LRRC4C: variants seen among roughly 807,000 people sequenced by gnomAD.
LRRC4C encodes leucine rich repeat containing 4C.
In LRRC4C, 5 loss-of-function variants were observed where a neutral mutation model predicts 33.6. The ratio of observed to expected loss-of-function variants is 0.15; its 90% CI spans 0.08 to 0.31. The LOEUF is 0.31. LRRC4C is among the 10% of genes least tolerant of loss of function. LRRC4C has a pLI of 1.00. For synonymous variants in LRRC4C, 329 were observed against 302.0 expected, an observed-to-expected ratio of 1.09 and a Z score of -0.93; for missense variants, 560 against 796.7, an observed-to-expected ratio of 0.70 and a Z score of 3.58.
intron 1 of LRRC4C, among the ~76,000 whole-genome samples, chr11:41,163,791 T>C (rs1486271458): frequency 1.3e-5 from 2 of 151,910 alleles, no homozygotes; most frequent in Non-Finnish European, 2.9e-5. Flanking sequence ...TTTATATTTT[T>C]AGTAGAGACG....
rs150025318 is a variant in LRRC4C at position 40,337,326 on chromosome 11, C to T, written c.-269-17605G>A. 3.2e-4 allele frequency among the ~76,000 whole-genome samples: 48 copies of T among 152,262 alleles called. 2 individuals are homozygous for T. The highest frequency in any genetic ancestry group is 1.0e-3 in the African/African-American group (43 of 41,556). ...GATTGGAAGATTTTCAGAAAGGAAA[C>T]CATGCAATGTAATTTACATTTTTAA... On this transcript the variant is annotated intron_variant, in intron 3 of 6. Coordinates refer to ENST00000528697, the MANE Select transcript of LRRC4C (RefSeq NM_001258419.2).
chr11:41,263,955 C>A lies in LRRC4C; in HGVS notation c.-496+195476G>T, dbSNP rs188142063. ...GATAAGAAGCCAGAAAGATGTGAAT[C>A]ACAGTCTTGATGCAGTTTTCTTTGT... On this transcript the variant is annotated intron_variant, in intron 1 of 6. Coordinates refer to ENST00000528697, the MANE Select transcript of LRRC4C (RefSeq NM_001258419.2). 2.1e-3 allele frequency among the ~76,000 whole-genome samples: 324 copies of A among 152,208 alleles called. 2 individuals are homozygous for A. Among genetic ancestry groups the A allele is most frequent in the African/African-American group, 7.4e-3 (309 of 41,540 alleles).
intron 3 of LRRC4C, among the ~76,000 whole-genome samples, chr11:40,465,077 G>A (rs985496282): frequency 3.3e-5 from 5 of 151,920 alleles, no homozygotes; most frequent in African/African-American, 1.2e-4. Flanking sequence ...CTAGAATATA[G>A]TAACTAAAAC....
chr11:40,510,458 C>T lies in LRRC4C; in HGVS notation c.-270+137684G>A, dbSNP rs143756964. On this transcript the variant is annotated intron_variant, in intron 3 of 6. Transcript: ENST00000528697. ...ATAATGACTATTTTACTCAATATTT[C>T]CTTTGTGACAGGATATAACATCTAA... is the stretch of plus-strand genomic sequence containing the variant. Among the ~76,000 whole-genome samples, 571 of 152,078 alleles carry T rather than the reference C, an allele frequency of 3.8e-3. 4 individuals are homozygous for T. Among genetic ancestry groups the T allele is most frequent in the Non-Finnish European group, 5.4e-3 (370 of 67,984 alleles).
In LRRC4C at chr11:40,305,609, CAA is replaced by C. The variant is rs78364325; in HGVS notation, c.-176+14017_-176+14018del. ...CAGTTGTATTTACATTTGTCAAATA[CAA>C]AAAAAAAAAAAAGGAAGAATGTATG... is the stretch of plus-strand genomic sequence containing the variant. On this transcript the variant is annotated intron_variant, in intron 4 of 6. Coordinates refer to ENST00000528697, the MANE Select transcript of LRRC4C (RefSeq NM_001258419.2). 7.8e-3 allele frequency among the ~76,000 whole-genome samples: 749 copies of C among 96,350 alleles called. 6 individuals carry two copies. The highest frequency in any genetic ancestry group is 0.025 in the African/African-American group (694 of 27,860). The allele number at this position is 96,350 out of a possible 152,430, so 63.2% of individuals were successfully genotyped here. A position where few individuals can be genotyped will look rare whatever the true frequency, so the allele number is the denominator to read the frequency against.
chr11:41,328,434 C>A (rs976089325), intron 1 of LRRC4C, among the ~76,000 whole-genome samples: 1 of 151,798 alleles, frequency 6.6e-6, no homozygotes, highest in African/African-American at 2.4e-5. Context: ...TGTGTGTGTG[C>A]GTGTCTGTGT....
Position 40,221,794 on chromosome 11 carries a change from C to A in LRRC4C, c.-96+19725G>T, listed in dbSNP as rs535717387. Among the ~76,000 whole-genome samples, 12 of 152,216 alleles carry A rather than the reference C, an allele frequency of 7.9e-5. No individual in the cohort carries two copies. The South Asian group carries it at 2.5e-3, about 32-fold the overall frequency. On this transcript the variant is annotated intron_variant, in intron 5 of 6. Transcript: ENST00000528697. ...TTTTGTTCCCATCTAATTACCGGTG[C>A]ATGCAGCCCCCAGTCACGTACCCCC... is the stretch of plus-strand genomic sequence containing the variant.
chr11:41,112,137 G>A (rs1432503708), intron 1 of LRRC4C, among the ~76,000 whole-genome samples: 1 of 152,040 alleles, frequency 6.6e-6, no homozygotes, highest in African/African-American at 2.4e-5. Context: ...AATCCAGGAT[G>A]CCAACAGCCA....
chr11:40,520,623 C>G (rs1955769672), intron 3 of LRRC4C, among the ~76,000 whole-genome samples: 1 of 152,036 alleles, frequency 6.6e-6, no homozygotes, highest in South Asian at 2.1e-4. Context: ...TATCTAAGAT[C>G]AGTACTCTAA....
intron 1 of LRRC4C, among the ~76,000 whole-genome samples, chr11:41,014,635 C>T (rs1009923614): frequency 5.9e-5 from 9 of 152,100 alleles, no homozygotes; most frequent in Admixed American, 3.9e-4. Flanking sequence ...CTGCCAAATA[C>T]GTATTTAATC....
chr11:40,762,721 G>T (rs1316737834), intron 2 of LRRC4C, among the ~76,000 whole-genome samples: 1 of 151,984 alleles, frequency 6.6e-6, no homozygotes, highest in African/African-American at 2.4e-5. Context: ...GAGTAGTCTG[G>T]CTACCCATTC....
At chr11:41,355,093 A>T (rs1371326334) in intron 1 of LRRC4C, among the ~76,000 whole-genome samples, 1 of 152,088 alleles carries the variant, frequency 6.6e-6, no homozygotes. Flanking sequence ...CTAACTCTGC[A>T]TGTGACAAGG....
chr11:40,891,402 G>T (rs1275365312), intron 2 of LRRC4C, among the ~76,000 whole-genome samples: 2 of 152,014 alleles, frequency 1.3e-5, no homozygotes, highest in Non-Finnish European at 2.9e-5. Context: ...CACACCCAAA[G>T]CAATCTACAA....
chr11:40,368,962 A>C (rs1948332539), intron 3 of LRRC4C, among the ~76,000 whole-genome samples: 1 of 152,132 alleles, frequency 6.6e-6, no homozygotes, highest in Admixed American at 6.6e-5. Context: ...TTGTAAATTA[A>C]GTATCTACAC....
intron 2 of LRRC4C, among the ~76,000 whole-genome samples, chr11:40,772,666 G>A (rs1949807352): frequency 6.6e-6 from 1 of 152,138 alleles, no homozygotes; most frequent in Non-Finnish European, 1.5e-5. Context: ...TCTCACCCCT[G>A]TTAAAATGGC....
chr11:41,162,675 G>C (rs1944526165), intron 1 of LRRC4C, among the ~76,000 whole-genome samples: 1 of 152,138 alleles, frequency 6.6e-6, no homozygotes, highest in Admixed American at 6.5e-5. Context: ...AAAAGGTACA[G>C]TAAAAACATA....
At chr11:40,418,486 A>T (rs1414723115) in intron 3 of LRRC4C, among the ~76,000 whole-genome samples, 1 of 152,228 alleles carries the variant, frequency 6.6e-6, no homozygotes, top group East Asian at 1.9e-4. Flanking sequence ...CTGTGGAGAA[A>T]AAGCAACACT....
chr11:41,034,492 C>T (rs924317727), intron 1 of LRRC4C, among the ~76,000 whole-genome samples: 19 of 144,316 alleles, frequency 1.3e-4, no homozygotes, highest in Non-Finnish European at 2.3e-4. Context: ...TATATATACA[C>T]ATATATATAC....
chr11:41,367,970 A>AT (rs1041490059), intron 1 of LRRC4C, among the ~76,000 whole-genome samples: 6 of 152,218 alleles, frequency 3.9e-5, no homozygotes, highest in Admixed American at 2.0e-4. Flanking sequence ...TCCAAGAGCA[A>AT]TTTTTTTGCC....
Sources: gnomAD v4.1 joint callset for allele counts (sites outside exome capture counted in the v4.1 genomes callset) on GRCh38, gnomAD v4.1.1 for gene constraint, MANE v1.5 for transcripts, NCBI Gene and HGNC (gene_info 2026-07-23, HGNC 2026-07-21) for gene names.